CCDC3: variants seen among roughly 807,000 people sequenced by gnomAD.
The protein encoded by CCDC3 is coiled-coil domain containing 3.
In CCDC3, 24 loss-of-function variants were observed where a neutral mutation model predicts 21.4. The observed-to-expected ratio is 1.12, with a 90% CI of 0.81 to 1.58. CCDC3 has a LOEUF of 1.58. CCDC3 is among the 40% of genes most tolerant of loss of function. The probability of loss-of-function intolerance (pLI) is 0.00; values close to 1 mark genes in which losing one functional copy is unlikely to be tolerated. For synonymous variants in CCDC3, 186 were observed against 166.0 expected (o/e 1.12, Z -0.93); for missense variants, 425 against 360.9 (o/e 1.18, Z -1.44).
chr10:13,037,602 G>A (rs1201597234), intron 5 of CCDC3, among the ~76,000 whole-genome samples: 2 of 152,100 alleles, frequency 1.3e-5, no homozygotes, highest in African/African-American at 2.4e-5. Context: ...GTCTTGAAGA[G>A]TTCACCCCCC....
At chr10:13,098,300 T>C (rs980298766) in intron 3 of CCDC3, among the ~76,000 whole-genome samples, 2 of 152,182 alleles carry the variant, frequency 1.3e-5, no homozygotes, top group East Asian at 3.9e-4. Flanking sequence ...TTCACTTTCA[T>C]AGTGTTGTTT....
At chr10:12,969,188 A>C (rs73581748) in intron 2 of CCDC3, among the ~76,000 whole-genome samples, 4,026 of 152,242 alleles carry the variant, frequency 0.026, 202 homozygotes, top group African/African-American at 0.091. Context: ...CAAATGGCCC[A>C]AAGGTAAATA....
chr10:13,070,836 A>T (rs1218208728), intron 4 of CCDC3, among the ~76,000 whole-genome samples: 1 of 152,238 alleles, frequency 6.6e-6, no homozygotes, highest in Admixed American at 6.5e-5. Flanking sequence ...ATTTGTTTTT[A>T]ACAAAAATGA....
At chr10:13,084,408 C>T (rs1394782070) in intron 3 of CCDC3, among the ~76,000 whole-genome samples, 1 of 151,840 alleles carries the variant, frequency 6.6e-6, no homozygotes, top group African/African-American at 2.4e-5. Context: ...TGTGCCTCAG[C>T]CTCTCAAGTA....
chr10:12,926,899 T>C (rs1834550012), intron 2 of CCDC3, among the ~76,000 whole-genome samples: 1 of 152,004 alleles, frequency 6.6e-6, no homozygotes, highest in African/African-American at 2.4e-5. Context: ...TGTATACCCC[T>C]AAAAACAAAA....
intron 2 of CCDC3, among the ~76,000 whole-genome samples, chr10:12,960,652 G>A (rs769351940): frequency 6.6e-6 from 1 of 152,162 alleles, no homozygotes; most frequent in Non-Finnish European, 1.5e-5. Flanking sequence ...GGTGGGGCAG[G>A]GTGCAGTCGG....
chr10:12,903,346 T>C (rs1834122627), intron 2 of CCDC3, among the ~76,000 whole-genome samples: 1 of 152,240 alleles, frequency 6.6e-6, no homozygotes, highest in African/African-American at 2.4e-5. Flanking sequence ...CTTTCCAAAA[T>C]GTGTGTTTCT....
intron 2 of CCDC3, among the ~76,000 whole-genome samples, chr10:12,912,877 G>A (rs989372490): frequency 2.6e-5 from 4 of 152,124 alleles, no homozygotes; most frequent in Non-Finnish European, 4.4e-5. Context: ...TCCTCTCCCC[G>A]TTGCATGTCT....
chr10:12,953,490 G>A (rs563762707), intron 2 of CCDC3, among the ~76,000 whole-genome samples: 1 of 152,352 alleles, frequency 6.6e-6, no homozygotes, highest in Admixed American at 6.5e-5. Flanking sequence ...ATACAGGTAC[G>A]ATTAGAAGCA....
At chr10:13,074,154 T>TATATATATA (rs1491463766) in intron 3 of CCDC3, 6 of 39,950 alleles carry the variant, frequency 1.5e-4, no homozygotes, top group African/African-American at 6.1e-4. Context: ...TATATATATA[T>TATATATATA]TTTTTTTTTT....
chr10:12,968,178 A>T (rs1835288754), intron 2 of CCDC3, among the ~76,000 whole-genome samples: 1 of 96,908 alleles, frequency 1.0e-5, no homozygotes, highest in Non-Finnish European at 2.4e-5. Flanking sequence ...CAGAAAAAAA[A>T]AAGAAAATAC....
chr10:13,064,128 G>A (rs1413275809), intron 4 of CCDC3, among the ~76,000 whole-genome samples: 2 of 152,112 alleles, frequency 1.3e-5, no homozygotes, highest in Non-Finnish European at 2.9e-5. Context: ...GTTTCACCAT[G>A]TTGGCCAGGT....
intron 2 of CCDC3, among the ~76,000 whole-genome samples, chr10:12,971,304 C>T (rs762129538): frequency 6.6e-6 from 1 of 152,238 alleles, no homozygotes; most frequent in Non-Finnish European, 1.5e-5. Context: ...ATGCATGTGG[C>T]TTCTATCCTT....
At chr10:12,909,869 C>G (rs1834238602) in intron 2 of CCDC3, among the ~76,000 whole-genome samples, 1 of 152,192 alleles carries the variant, frequency 6.6e-6, no homozygotes, top group Non-Finnish European at 1.5e-5. Context: ...AATTAGGGGC[C>G]AGTCTCCAGC....
chr10:13,016,654 C>T (rs146376824), intron 5 of CCDC3, among the ~76,000 whole-genome samples: 1 of 152,094 alleles, frequency 6.6e-6, no homozygotes, highest in African/African-American at 2.4e-5. Context: ...GGGAATGGAA[C>T]TTGGGGTTAG....
At chr10:12,900,342 A>G (rs1834072902) in intron 2 of CCDC3, among the ~76,000 whole-genome samples, 1 of 151,930 alleles carries the variant, frequency 6.6e-6, no homozygotes, top group South Asian at 2.1e-4. Context: ...TACATTCCCA[A>G]AGAAAGACTT....
At chr10:12,943,788 C>T (rs895812085) in intron 2 of CCDC3, among the ~76,000 whole-genome samples, 1 of 152,062 alleles carries the variant, frequency 6.6e-6, no homozygotes, top group African/African-American at 2.4e-5. Context: ...AGACGACCCA[C>T]TTGGAAGACC....
chr10:12,945,156 T>C (rs947872245), intron 2 of CCDC3, among the ~76,000 whole-genome samples: 1 of 152,196 alleles, frequency 6.6e-6, no homozygotes, highest in African/African-American at 2.4e-5. Flanking sequence ...ATTCATAAAT[T>C]TGTCAATCTA....
chr10:12,898,467 C>A lies in CCDC3; in HGVS notation c.762G>T (p.Leu254=). The A allele has an allele frequency of 6.2e-7, 1 of 1,612,712 alleles. No homozygotes were observed. Among genetic ancestry groups the A allele is most frequent in the Non-Finnish European group, 8.5e-7 (1 of 1,179,386 alleles). Reference sequence around the variant, plus strand: ...CGGGCCCCCGGGCATTGATGTGCGGCAGCGCGCCCGCCGCCAGCTTCTCAC... The same window carrying A: ...CGGGCCCCCGGGCATTGATGTGCGGAAGCGCGCCCGCCGCCAGCTTCTCAC... ...KLSEKLAAGA[L]PHINARGPVR... Residue 254 remains leucine, a synonymous_variant, in exon 3 of 3, where the codon CTG becomes CTT. Coordinates refer to ENST00000378825, the MANE Select transcript of CCDC3 (RefSeq NM_031455.4).
Sources: allele counts gnomAD v4.1 joint callset (sites outside exome capture counted in the v4.1 genomes callset), GRCh38; gene constraint gnomAD v4.1.1; transcripts MANE v1.5; gene names NCBI Gene and HGNC (gene_info 2026-07-23, HGNC 2026-07-21).